Variants in MARCHF8 observed in about 807,000 individuals in gnomAD.
The protein encoded by MARCHF8 is membrane associated ring-CH-type finger 8.
A neutral mutation model predicts 51.6 loss-of-function variants in MARCHF8; 40 were observed. The observed-to-expected ratio is 0.77, with a 90% CI of 0.60 to 1.01. The LOEUF is 1.01. MARCHF8 is among the 50% of genes least tolerant of loss of function. The probability of loss-of-function intolerance (pLI) is 0.00; values close to 1 mark genes in which losing one functional copy is unlikely to be tolerated. For missense variants in MARCHF8, 685 were observed against 708.6 expected (o/e 0.97, Z 0.38); for synonymous variants, 263 against 280.3 (o/e 0.94, Z 0.62).
At chr10:45,467,636 A>T (rs991068955) in intron 3 of MARCHF8, among the ~76,000 whole-genome samples, 2 of 152,202 alleles carry the variant, frequency 1.3e-5, no homozygotes, top group Admixed American at 1.3e-4. Flanking sequence ...ATCAAAGGCC[A>T]GCAATCCCCT....
chr10:45,580,707 C>A (rs1589193706), intron 1 of MARCHF8, among the ~76,000 whole-genome samples: 1 of 152,320 alleles, frequency 6.6e-6, no homozygotes, highest in South Asian at 2.1e-4. Flanking sequence ...AGGAAACATG[C>A]TTGGAGCTTT....
chr10:45,543,951 C>T (rs2044088104), intron 1 of MARCHF8, among the ~76,000 whole-genome samples: 1 of 151,926 alleles, frequency 6.6e-6, no homozygotes, highest in Admixed American at 6.6e-5. Flanking sequence ...GCCTGTAGTC[C>T]TAGCTATTCG....
At position 45,554,702 on chromosome 10, in the gene MARCHF8, C is replaced by T. The variant is rs1036201774; in HGVS notation, c.-78-21413G>A. Among the ~76,000 whole-genome samples, 3 of 152,172 alleles carry T rather than the reference C, an allele frequency of 2.0e-5. No individual in the cohort carries two copies. In the South Asian group the frequency reaches 6.2e-4, roughly 32 times the overall value. ...TGGGAGACTGAGGCAGGGGGATCAC[C>T]GGAGGTCGGGAATTCGAGACCAGCC... On this transcript the variant is annotated intron_variant, in intron 1 of 6. Coordinates refer to the MARCHF8 transcript ENST00000319836.
intron 2 of MARCHF8, among the ~76,000 whole-genome samples, chr10:45,520,614 G>C (rs1266438618): frequency 2.6e-5 from 4 of 152,132 alleles, no homozygotes; most frequent in African/African-American, 9.7e-5. Flanking sequence ...CAGATTTCTG[G>C]GGGACTCCAT....
At chr10:45,468,039 C>T (rs1589080919) in intron 3 of MARCHF8, among the ~76,000 whole-genome samples, 1 of 152,038 alleles carries the variant, frequency 6.6e-6, no homozygotes, top group African/African-American at 2.4e-5. Context: ...TATGCCAAAA[C>T]AAACCTCTGG....
At chr10:45,519,828 ACAT>A (rs1402332968) in intron 2 of MARCHF8, among the ~76,000 whole-genome samples, 1 of 152,234 alleles carries the variant, frequency 6.6e-6, no homozygotes, top group Non-Finnish European at 1.5e-5. Flanking sequence ...GACAAAGAAA[ACAT>A]TTCAGAGGTG....
intron 3 of MARCHF8, among the ~76,000 whole-genome samples, chr10:45,468,393 G>A (rs1288573201): frequency 1.3e-5 from 2 of 152,182 alleles, no homozygotes; most frequent in Non-Finnish European, 1.5e-5. Flanking sequence ...CCTTCTGCCA[G>A]GTTACTGCCC....
chr10:45,514,669 G>C (rs1225043804), intron 2 of MARCHF8, among the ~76,000 whole-genome samples: 1 of 152,214 alleles, frequency 6.6e-6, no homozygotes, highest in Non-Finnish European at 1.5e-5. Flanking sequence ...GCAATGTAAC[G>C]ATTCTAAGAC....
rs2291430 is a variant in MARCHF8 at position 45,463,488 on chromosome 10, C to T, written c.751G>A (p.Ala251Thr). The T allele has an allele frequency of 3.5e-4, 546 of 1,550,658 alleles. 2 individuals are homozygous for T. In the East Asian group the frequency reaches 0.012, roughly 34 times the overall value. The change falls in exon 5 of 8, where the codon GCC (alanine) becomes ACC (threonine). Residue 251 changes from alanine to threonine, a missense_variant. Ala to Thr is a moderately conservative substitution (Grantham distance 58). Coordinates refer to ENST00000453424, the MANE Select transcript of MARCHF8 (RefSeq NM_001282866.2). ...AGCAGTTGCCGGCTTCGGGACGTGG[C>T]CTCACCATCCGCCTTCTCTTCCAGC... ...LLLEEKADGE[A>T]TSRSRQLLQY...
At chr10:45,591,791 G>A (rs564494507) in intron 1 of MARCHF8, among the ~76,000 whole-genome samples, 10 of 152,276 alleles carry the variant, frequency 6.6e-5, no homozygotes, top group East Asian at 1.9e-4. Flanking sequence ...CCAGCAAAGT[G>A]TATGCTTTGT....
At chr10:45,516,731 T>C (rs2043625570) in intron 2 of MARCHF8, among the ~76,000 whole-genome samples, 1 of 151,986 alleles carries the variant, frequency 6.6e-6, no homozygotes, top group African/African-American at 2.4e-5. Context: ...GCCACTGTGC[T>C]CCAGCCTGGG....
At chr10:45,512,307 A>G (rs2043533803) in intron 2 of MARCHF8, among the ~76,000 whole-genome samples, 1 of 148,670 alleles carries the variant, frequency 6.7e-6, no homozygotes, top group African/African-American at 2.5e-5. Context: ...CTGGGAAGTG[A>G]GGAGCGTCTC....
chr10:45,547,098 G>A lies in MARCHF8; in HGVS notation c.-78-13809C>T, dbSNP rs1301502631. 2.6e-5 allele frequency among the ~76,000 whole-genome samples: 4 copies of A among 151,962 alleles called. No individual in the cohort carries two copies. In the East Asian group the frequency reaches 7.7e-4, roughly 29 times the overall value. On this transcript the variant is annotated intron_variant, in intron 1 of 6. Transcript: ENST00000319836. ...AGATCATTACTAGAGGTAATAAAGG[G>A]TACAATAAATGTTAAATAAAACAAT...
At chr10:45,470,390 T>C (rs1057444353) in intron 3 of MARCHF8, among the ~76,000 whole-genome samples, 2 of 152,200 alleles carry the variant, frequency 1.3e-5, no homozygotes, top group African/African-American at 4.8e-5. Context: ...ACATGACCCC[T>C]TCCCATCTTC....
At chr10:45,468,218 A>C (rs541502854) in intron 3 of MARCHF8, among the ~76,000 whole-genome samples, 30 of 152,330 alleles carry the variant, frequency 2.0e-4, no homozygotes, top group Non-Finnish European at 3.5e-4. Context: ...GGGAAAAAAA[A>C]CTTTTCCATA....
At chr10:45,509,524 C>CT (rs2043454501) in intron 2 of MARCHF8, among the ~76,000 whole-genome samples, 1 of 152,174 alleles carries the variant, frequency 6.6e-6, no homozygotes, top group African/African-American at 2.4e-5. Context: ...AATCTGTCCT[C>CT]TTTTTTACTA....
intron 2 of MARCHF8, among the ~76,000 whole-genome samples, chr10:45,495,407 T>TTAAATTCCTGCATC (rs2043155269): frequency 2.0e-5 from 3 of 152,194 alleles, no homozygotes; most frequent in Admixed American, 6.5e-5. Context: ...TGCATCTGTT[T>TTAAATTCCTGCATC]ATGTATTAAA....
intron 1 of MARCHF8, among the ~76,000 whole-genome samples, chr10:45,578,215 G>A (rs954492383): frequency 1.3e-5 from 2 of 152,040 alleles, no homozygotes; most frequent in African/African-American, 2.4e-5. Context: ...AATACTCCTC[G>A]AAGAAAAGCT....
At chr10:45,466,903 C>T (rs779305388) in intron 3 of MARCHF8, among the ~76,000 whole-genome samples, 1 of 152,186 alleles carries the variant, frequency 6.6e-6, no homozygotes, top group Non-Finnish European at 1.5e-5. Context: ...GGCAGAGCCT[C>T]GTAACAAAAC....
Sources: allele counts gnomAD v4.1 joint callset (sites outside exome capture counted in the v4.1 genomes callset), GRCh38; gene constraint gnomAD v4.1.1; transcripts MANE v1.5; gene names NCBI Gene and HGNC (gene_info 2026-07-23, HGNC 2026-07-21).